The following CNTLN variants were observed in gnomAD, a reference collection of about 807,000 sequenced individuals.
The protein encoded by CNTLN is centlein.
CNTLN carries 212 observed loss-of-function variants against 180.0 expected under a neutral mutation model. That is an observed-to-expected ratio of 1.18 (90% CI 1.05 to 1.32). CNTLN has a LOEUF of 1.32. Ranked by LOEUF, CNTLN falls within the 40% of genes most tolerant of loss-of-function variation. The pLI is 0.00. For missense variants in CNTLN, 2,095 were observed against 1,610.9 expected, an observed-to-expected ratio of 1.30 and a Z score of -5.14; for synonymous variants, 722 against 563.1, an observed-to-expected ratio of 1.28 and a Z score of -3.99.
intron 3 of CNTLN, among the ~76,000 whole-genome samples, chr9:17,234,630 CCAGTGATAGAT>C (rs1825021497): frequency 6.6e-6 from 1 of 151,490 alleles, no homozygotes; most frequent in African/African-American, 2.4e-5. Flanking sequence ...GGGATCAGCA[CCAGTGATAGAT>C]CAGAAATGGA....
chr9:17,164,770 G>A (rs1411609261), intron 2 of CNTLN, among the ~76,000 whole-genome samples: 2 of 150,522 alleles, frequency 1.3e-5, no homozygotes, highest in Admixed American at 1.3e-4. Context: ...TTTTATGTAA[G>A]ACTTTAACCT....
At chr9:17,405,267 T>G (rs1337601680) in intron 15 of CNTLN, among the ~76,000 whole-genome samples, 3 of 151,762 alleles carry the variant, frequency 2.0e-5, no homozygotes, top group African/African-American at 7.3e-5. Flanking sequence ...TTTAAGAGCT[T>G]CAGTCATTGG....
intron 2 of CNTLN, among the ~76,000 whole-genome samples, chr9:17,190,690 C>T (rs1412555981): frequency 6.6e-6 from 1 of 152,082 alleles, no homozygotes; most frequent in African/African-American, 2.4e-5. Context: ...ACTTATTTCT[C>T]ATTAACCGAG....
At chr9:17,330,844 A>T (rs1820597081) in intron 9 of CNTLN, 36 bp downstream of exon 9, 1 of 1,563,178 alleles carries the variant, frequency 6.4e-7, no homozygotes, top group Non-Finnish European at 8.7e-7. Context: ...ATTTGCCAGG[A>T]TGAGGCTGGA....
chr9:17,273,128 T>C (rs1386826481), intron 5 of CNTLN, among the ~76,000 whole-genome samples: 1 of 151,812 alleles, frequency 6.6e-6, no homozygotes, highest in Non-Finnish European at 1.5e-5. Flanking sequence ...TAATTAAAAT[T>C]AATTTTATAA....
chr9:17,419,292 C>T (rs952467847), intron 18 of CNTLN, among the ~76,000 whole-genome samples: 6 of 152,014 alleles, frequency 3.9e-5, no homozygotes, highest in African/African-American at 1.2e-4. Flanking sequence ...TTTTGAAATG[C>T]GCTATAGCCC....
At chr9:17,310,813 T>G (rs1381044439) in intron 8 of CNTLN, among the ~76,000 whole-genome samples, 2 of 152,192 alleles carry the variant, frequency 1.3e-5, no homozygotes, top group Non-Finnish European at 1.5e-5. Flanking sequence ...TGCATATCAC[T>G]GACTAGCCAG....
At position 17,394,912 on chromosome 9, in the gene CNTLN, G is replaced by T; in HGVS notation, c.2458G>T (p.Asp820Tyr). ...CATGAAAGTGAGATCTGGACGATAT[G>T]ATTGTAAGACAACTATGACCAAGGT... Reference protein sequence around the residue: ...ATMKVRSGRYDCKTTMTKVKF... With the variant: ...ATMKVRSGRYYCKTTMTKVKF... The change falls in exon 15 of 26, where the codon GAT (aspartate) becomes TAT (tyrosine). Residue 820 changes from aspartate to tyrosine, a missense_variant. Asp to Tyr is a radical substitution (Grantham distance 160). Transcript: ENST00000380647. 6.2e-7 allele frequency: 1 copy of T among 1,614,094 alleles called. No homozygotes were observed. Among genetic ancestry groups the T allele is most frequent in the Non-Finnish European group, 8.5e-7 (1 of 1,179,966 alleles).
At chr9:17,402,016 TGAG>T (rs1487996507) in intron 15 of CNTLN, among the ~76,000 whole-genome samples, 2 of 151,752 alleles carry the variant, frequency 1.3e-5, no homozygotes, top group Non-Finnish European at 2.9e-5. Context: ...ATTAATGGCT[TGAG>T]GAGATGACTC....
At chr9:17,217,494 GAC>G (rs1823840691) in intron 2 of CNTLN, among the ~76,000 whole-genome samples, 1 of 152,220 alleles carries the variant, frequency 6.6e-6, no homozygotes, top group Non-Finnish European at 1.5e-5. Flanking sequence ...GGCTGCTCAG[GAC>G]ACAGTTTGAA....
At position 17,361,122 on chromosome 9, in the gene CNTLN, A is replaced by G. The variant is rs543233222; in HGVS notation, c.1887-5495A>G. On this transcript the variant is annotated intron_variant, in intron 12 of 25. Coordinates refer to ENST00000380647, the MANE Select transcript of CNTLN (RefSeq NM_017738.4). ...CATGTGCACAACGTGCAGGTTTGTT[A>G]CATATGTATACATGTGCCATGTTGG... 2.0e-5 allele frequency among the ~76,000 whole-genome samples: 3 copies of G among 152,180 alleles called. No homozygotes were observed. The East Asian group carries it at 5.8e-4, about 29-fold the overall frequency.
chr9:17,397,297 A>G (rs555892268), intron 15 of CNTLN, among the ~76,000 whole-genome samples: 7 of 152,334 alleles, frequency 4.6e-5, no homozygotes, highest in African/African-American at 1.7e-4. Flanking sequence ...CTAAGAAAGT[A>G]AAGGAATAAA....
intron 5 of CNTLN, among the ~76,000 whole-genome samples, chr9:17,271,059 T>G (rs1371094104): frequency 1.0e-4 from 15 of 149,132 alleles, no homozygotes; most frequent in African/African-American, 3.5e-4. Flanking sequence ...CACACCATTC[T>G]CCTGCCTCAG....
At chr9:17,402,160 A>G (rs1443515766) in intron 15 of CNTLN, among the ~76,000 whole-genome samples, 1 of 151,814 alleles carries the variant, frequency 6.6e-6, no homozygotes, top group Non-Finnish European at 1.5e-5. Context: ...TCTCTATTCA[A>G]AAAGCTAGTA....
intron 7 of CNTLN, 136 bp from the exon 8 acceptor site, chr9:17,308,922 A>G (rs1294506924): frequency 1.2e-5 from 5 of 405,214 alleles, no homozygotes; most frequent in Non-Finnish European, 2.2e-5. Context: ...TTTCTCTCTG[A>G]GACTATTAAA....
chr9:17,294,303 A>G (rs931462575), intron 6 of CNTLN, among the ~76,000 whole-genome samples: 1 of 151,968 alleles, frequency 6.6e-6, no homozygotes, highest in African/African-American at 2.4e-5. Flanking sequence ...CCCCACCCAC[A>G]TCCTGCTGAT....
intron 10 of CNTLN, among the ~76,000 whole-genome samples, chr9:17,340,088 T>A (rs1821356295): frequency 6.6e-6 from 1 of 152,082 alleles, no homozygotes; most frequent in South Asian, 2.1e-4. Context: ...GCCCAGGAGT[T>A]TGAGACTGCA....
chr9:17,362,985 G>A lies in CNTLN; in HGVS notation c.1887-3632G>A, dbSNP rs1036754852. Reference sequence around the variant, plus strand: ...CTCCCACTTATGAGTGAGAAAATGCGGTATTTGGTTTTCTGTTTTGTTAGT... The same window carrying A: ...CTCCCACTTATGAGTGAGAAAATGCAGTATTTGGTTTTCTGTTTTGTTAGT... On this transcript the variant is annotated intron_variant, in intron 12 of 25. Transcript: ENST00000380647. 3.9e-5 allele frequency among the ~76,000 whole-genome samples: 6 copies of A among 152,146 alleles called. No individual in the cohort carries two copies. In the East Asian group the frequency reaches 7.7e-4, roughly 20 times the overall value.
At chr9:17,478,241 T>C (rs1370864194) in intron 23 of CNTLN, among the ~76,000 whole-genome samples, 1 of 152,226 alleles carries the variant, frequency 6.6e-6, no homozygotes, top group Non-Finnish European at 1.5e-5. Flanking sequence ...TTTATTGTGA[T>C]ATTTGCTTTA....
Sources: allele counts gnomAD v4.1 joint callset (sites outside exome capture counted in the v4.1 genomes callset), GRCh38; gene constraint gnomAD v4.1.1; transcripts MANE v1.5; gene names NCBI Gene and HGNC (gene_info 2026-07-23, HGNC 2026-07-21).